The following TAAR5 variants were observed in gnomAD, a reference collection of about 807,000 sequenced individuals.
The protein encoded by TAAR5 is trace amine-associated receptor 5.
In TAAR5, 27 loss-of-function variants were observed where a neutral mutation model predicts 21.1. The ratio of observed to expected loss-of-function variants is 1.28; its 90% confidence interval spans 0.94 to 1.76. The LOEUF is 1.76. Ranked by LOEUF, TAAR5 falls within the 40% of genes most tolerant of loss-of-function variation. TAAR5 has a pLI of 0.00. For missense variants in TAAR5, 495 were observed against 405.6 expected, an observed-to-expected ratio of 1.22 and a Z score of -1.89; for synonymous variants, 203 against 167.5, an observed-to-expected ratio of 1.21 and a Z score of -1.64.
chr6:132,590,799 T>C (rs1287844749), upstream of TAAR5, among the ~76,000 whole-genome samples: 1 of 152,236 alleles, frequency 6.6e-6, no homozygotes, highest in Non-Finnish European at 1.5e-5. Flanking sequence ...ATATATTCTT[T>C]TTTAATTTTT....
the TAAR5 span, among the ~76,000 whole-genome samples, chr6:132,598,473 G>A: frequency 6.6e-6 from 1 of 152,172 alleles, no homozygotes; most frequent in South Asian, 2.1e-4. Flanking sequence ...ATAATTGAAA[G>A]GTGAGTTATC....
At chr6:132,598,496 GT>G in the TAAR5 span, among the ~76,000 whole-genome samples, 1 of 152,142 alleles carries the variant, frequency 6.6e-6, no homozygotes, top group South Asian at 2.1e-4. Context: ...TTACACTACG[GT>G]TTCTTACCAA....
At chr6:132,605,756 C>T in the TAAR5 span, among the ~76,000 whole-genome samples, 1 of 152,178 alleles carries the variant, frequency 6.6e-6, no homozygotes, top group East Asian at 1.9e-4. Context: ...CATGTACCCC[C>T]TGAATCTTAG....
chr6:132,605,663 A>G, the TAAR5 span, among the ~76,000 whole-genome samples: 1 of 152,190 alleles, frequency 6.6e-6, no homozygotes, highest in African/African-American at 2.4e-5. Flanking sequence ...TTTAGAGTAA[A>G]GAAGTAGACA....
chr6:132,605,322 A>T, the TAAR5 span, among the ~76,000 whole-genome samples: 1 of 152,348 alleles, frequency 6.6e-6, no homozygotes, highest in Middle Eastern at 3.4e-3. Flanking sequence ...GTTACAGATG[A>T]GTTTCCAAAT....
At chr6:132,593,856 C>T (rs1776939835), upstream of TAAR5, among the ~76,000 whole-genome samples, 1 of 152,152 alleles carries the variant, frequency 6.6e-6, no homozygotes. Context: ...AAAGGGGTTT[C>T]AGCCAAAATC....
the TAAR5 span, among the ~76,000 whole-genome samples, chr6:132,596,621 C>T: frequency 2.0e-5 from 3 of 152,050 alleles, no homozygotes; most frequent in East Asian, 1.9e-4. Flanking sequence ...GTTTTATTTG[C>T]TCTGGATATA....
chr6:132,613,754 T>C, the TAAR5 span, among the ~76,000 whole-genome samples: 1 of 152,210 alleles, frequency 6.6e-6, no homozygotes, highest in Non-Finnish European at 1.5e-5. Context: ...GAATCTAATT[T>C]TCACAGCCTT....
chr6:132,588,685 CA>C lies in TAAR5; in HGVS notation c.1001del (p.Leu334CysfsTer9). On this transcript the variant is annotated frameshift_variant, in exon 1 of 1. Transcript: ENST00000258034. LOFTEE classifies it high-confidence loss of function. The stretch of plus-strand genomic sequence containing the variant: ...TTAGTAGAAGGAATCATTCTTGGTA[CA>C]AATCAACAGTGCGTGTCTGCGGTGA... ...VFSPQTRTVD[L>X]YQE The C allele has an allele frequency of 6.2e-7, 1 of 1,611,202 alleles. No homozygotes were observed. The highest frequency in any genetic ancestry group is 1.1e-5 in the South Asian group (1 of 90,600).
chr6:132,604,419 A>G, the TAAR5 span, among the ~76,000 whole-genome samples: 1 of 152,240 alleles, frequency 6.6e-6, no homozygotes, highest in Non-Finnish European at 1.5e-5. Flanking sequence ...CTGCGATTAC[A>G]GGCATGCGTC....
chr6:132,588,768 A>C lies in TAAR5; in HGVS notation c.919T>G (p.Phe307Val). Residue 307 changes from phenylalanine (F) to valine (V), a missense_variant, in exon 1 of 1, where the codon TTT becomes GTT. Physicochemically the swap from Phe to Val is conservative, Grantham distance 50. Coordinates refer to ENST00000258034, the MANE Select transcript of TAAR5 (RefSeq NM_003967.3). ...GCCTTCCGAAACCACTGGTAGGAAAAGACATAGATGATGGGGTTGCAGGCT... is the reference window on the plus strand; with the variant it reads ...GCCTTCCGAAACCACTGGTAGGAAACGACATAGATGATGGGGTTGCAGGCT... ...NSACNPIIYV[F>V]SYQWFRKALK... The C allele has an allele frequency of 6.2e-7, 1 of 1,614,128 alleles. No individual in the cohort carries two copies. Among genetic ancestry groups the C allele is most frequent in the Non-Finnish European group, 8.5e-7 (1 of 1,180,006 alleles).
At chr6:132,592,689 T>C (rs1776923723), upstream of TAAR5, among the ~76,000 whole-genome samples, 1 of 152,232 alleles carries the variant, frequency 6.6e-6, no homozygotes, top group Non-Finnish European at 1.5e-5. Context: ...TTCCTCCTGC[T>C]TCAGCCATGT....
At chr6:132,606,397 G>A in the TAAR5 span, among the ~76,000 whole-genome samples, 4 of 152,288 alleles carry the variant, frequency 2.6e-5, no homozygotes, top group South Asian at 8.3e-4. Context: ...CAGAAGTGGA[G>A]AAAGTCAATT....
chr6:132,615,817 T>G, the TAAR5 span, among the ~76,000 whole-genome samples: 2 of 150,686 alleles, frequency 1.3e-5, no homozygotes, highest in African/African-American at 4.9e-5. Flanking sequence ...ATTGCTATAA[T>G]GGAAATGAAG....
upstream of TAAR5, among the ~76,000 whole-genome samples, chr6:132,592,679 T>G (rs1347967109): frequency 2.0e-5 from 3 of 152,222 alleles, no homozygotes. Flanking sequence ...CTTCTGCCTC[T>G]TCCTCCTGCT....
chr6:132,613,197 G>C, the TAAR5 span, among the ~76,000 whole-genome samples: 1 of 152,162 alleles, frequency 6.6e-6, no homozygotes, highest in Non-Finnish European at 1.5e-5. Context: ...TGTCTAGTAA[G>C]AACACAATGA....
At chr6:132,603,502 A>G in the TAAR5 span, among the ~76,000 whole-genome samples, 2 of 151,760 alleles carry the variant, frequency 1.3e-5, no homozygotes, top group African/African-American at 4.8e-5. Context: ...CTCAAAAAAA[A>G]AAAAAAGAAA....
the TAAR5 span, chr6:132,608,884 G>A: frequency 5.0e-5 from 23 of 455,982 alleles, no homozygotes; most frequent in African/African-American, 4.2e-4. Flanking sequence ...GTAACACACG[G>A]CATAAAATCG....
At chr6:132,599,607 G>C in the TAAR5 span, among the ~76,000 whole-genome samples, 2 of 152,104 alleles carry the variant, frequency 1.3e-5, no homozygotes, top group East Asian at 3.9e-4. Context: ...GGGATTACAG[G>C]CATGAGCCAC....
Sources: allele counts gnomAD v4.1 joint callset (sites outside exome capture counted in the v4.1 genomes callset), GRCh38; gene constraint gnomAD v4.1.1; transcripts MANE v1.5; gene names NCBI Gene and HGNC (gene_info 2026-07-23, HGNC 2026-07-21).